The following BEND2 variants were observed in gnomAD, a reference collection of about 807,000 sequenced individuals.
BEND2 encodes BEN domain containing 2, also known as BEN domain-containing protein 2.
In BEND2, 19 loss-of-function variants were observed where a neutral mutation model predicts 43.8. The ratio of observed to expected loss-of-function variants is 0.43; its 90% confidence interval spans 0.30 to 0.64. The LOEUF (loss-of-function observed/expected upper bound fraction) is 0.64, where lower values mean the gene tolerates loss of function less well. Among genes scored for constraint, BEND2 ranks in the 30% least tolerant of loss-of-function variants. The probability of loss-of-function intolerance (pLI) is 0.11; values close to 1 mark genes in which losing one functional copy is unlikely to be tolerated. For synonymous variants in BEND2, 226 were observed against 210.1 expected (o/e 1.08, Z -0.66); for missense variants, 544 against 574.0 (o/e 0.95, Z 0.53).
intron 9 of BEND2, among the ~76,000 whole-genome samples, chrX:18,179,059 T>C (rs185619422): frequency 3.6e-4 from 40 of 111,445 alleles, no homozygotes; most frequent in East Asian, 2.5e-3. Flanking sequence ...TACAGTCAAC[T>C]GCCATAAATG....
At chrX:18,218,716 G>A (rs777720401) in intron 1 of BEND2, among the ~76,000 whole-genome samples, 6 of 111,475 alleles carry the variant, frequency 5.4e-5, no homozygotes, top group African/African-American at 1.3e-4. Context: ...AGAAATCAGC[G>A]GGGCGAGGTG....
chrX:18,183,183 TC>T (rs928463377), intron 8 of BEND2, among the ~76,000 whole-genome samples: 36 of 110,527 alleles, frequency 3.3e-4, no homozygotes, highest in Admixed American at 5.8e-4. Context: ...ACATTTTTTT[TC>T]AAATGCCTAT....
intron 2 of BEND2, among the ~76,000 whole-genome samples, chrX:18,216,182 C>T (rs1219269303): frequency 9.0e-6 from 1 of 111,298 alleles, no homozygotes; most frequent in Non-Finnish European, 1.9e-5. Flanking sequence ...GGACTCTTGA[C>T]TCAAGCTGTT....
chrX:18,205,203 C>T (rs184936754), intron 4 of BEND2, among the ~76,000 whole-genome samples: 13 of 110,936 alleles, frequency 1.2e-4, no homozygotes, highest in Admixed American at 9.7e-4. Context: ...ATTCATTCAA[C>T]TAAACCTTTA....
intron 13 of BEND2, among the ~76,000 whole-genome samples, chrX:18,167,762 G>A (rs184384641): frequency 2.7e-5 from 3 of 111,002 alleles, no homozygotes; most frequent in East Asian, 2.9e-4. Flanking sequence ...ACAGGGTTTC[G>A]CCATGTTGCC....
At chrX:18,175,313 AG>A (rs979208941) in intron 11 of BEND2, among the ~76,000 whole-genome samples, 1 of 111,532 alleles carries the variant, frequency 9.0e-6, no homozygotes, top group African/African-American at 3.3e-5. Context: ...CCAGAAGAAA[AG>A]GGGGTTGGTG....
chrX:18,174,881 G>A (rs560789546), intron 11 of BEND2, among the ~76,000 whole-genome samples: 8 of 110,876 alleles, frequency 7.2e-5, no homozygotes, highest in South Asian at 3.8e-4. Context: ...GGGTTGGGGA[G>A]GGTCTTGCTA....
chrX:18,177,510 A>G, intron 10 of BEND2, 59 bp downstream of exon 10: 1 of 1,087,096 alleles, frequency 9.2e-7, no homozygotes, highest in Non-Finnish European at 1.3e-6. Context: ...AATAACATTC[A>G]TTATATGACC....
chrX:18,199,730 T>G, intron 6 of BEND2, among the ~76,000 whole-genome samples: 1 of 111,050 alleles, frequency 9.0e-6, no homozygotes, highest in East Asian at 2.8e-4. Context: ...CCAGCAAAAC[T>G]ATGTTCCTTG....
Position 18,212,579 on chromosome X carries a change from A to T in BEND2, c.478T>A (p.Phe160Ile), listed in dbSNP as rs779784627. The change falls in exon 4 of 14, where the codon TTC (phenylalanine) becomes ATC (isoleucine). Residue 160 changes from phenylalanine to isoleucine, a missense_variant. By Grantham distance (21) the Phe-to-Ile change is conservative (BLOSUM62 0). Transcript: ENST00000380033. ...ATAATATCTACCTCTGGAGTATAGA[A>T]TCTTCCTCTTTTTGGAAAATCCACT... ...EEVDFPKRGR[F>I]YTPEVQSSIS... is the part of the protein sequence containing the mutation. 2.5e-6 allele frequency: 3 copies of T among 1,182,460 alleles called. No individual in the cohort carries two copies. The highest frequency in any genetic ancestry group is 3.4e-6 in the Non-Finnish European group (3 of 870,286).
intron 8 of BEND2, among the ~76,000 whole-genome samples, chrX:18,189,699 T>A (rs948324435): frequency 1.8e-5 from 2 of 111,695 alleles, no homozygotes; most frequent in Non-Finnish European, 3.8e-5. Flanking sequence ...AATAGATATT[T>A]CAAAGAGGAT....
At chrX:18,203,063 GA>G (rs1431766004) in intron 5 of BEND2, among the ~76,000 whole-genome samples, 2 of 111,387 alleles carry the variant, frequency 1.8e-5, no homozygotes, top group Admixed American at 9.6e-5. Flanking sequence ...TAACAATATT[GA>G]AGTGACAAAA....
Position 18,180,578 on chromosome X carries a change from G to A in BEND2, c.1361C>T (p.Ser454Leu). 1.7e-6 allele frequency: 2 copies of A among 1,210,223 alleles called. No homozygotes were observed. The highest frequency in any genetic ancestry group is 2.2e-6 in the Non-Finnish European group (2 of 894,313). ...TENSVNTMNR[S>L]TLLDSDSGQD... ...GCCACTGTCACTGTCCAATAAAGTTGAGCGATTCATTGTGTTGACGCTGTT... is the reference window on the plus strand; with the variant it reads ...GCCACTGTCACTGTCCAATAAAGTTAAGCGATTCATTGTGTTGACGCTGTT... The change falls in exon 9 of 14, where the codon TCA (serine) becomes TTA (leucine). Residue 454 changes from serine to leucine, a missense_variant. Transcript: ENST00000380033.
intron 9 of BEND2, among the ~76,000 whole-genome samples, chrX:18,179,473 A>G (rs1317419032): frequency 9.0e-6 from 1 of 110,663 alleles, no homozygotes; most frequent in Non-Finnish European, 1.9e-5. Context: ...CGAGACCACA[A>G]TTCTTGAAAT....
At chrX:18,185,150 A>ACATGCCTCAAAGCATG (rs1194236114) in intron 8 of BEND2, among the ~76,000 whole-genome samples, 4 of 110,233 alleles carry the variant, frequency 3.6e-5, no homozygotes, top group Non-Finnish European at 7.5e-5. Flanking sequence ...TGTCTACAAG[A>ACATGCCTCAAAGCATG]TCTAGAAAAC....
chrX:18,185,575 T>TAAC (rs1306293676), intron 8 of BEND2, among the ~76,000 whole-genome samples: 1 of 88,506 alleles, frequency 1.1e-5, no homozygotes, highest in African/African-American at 4.0e-5. Flanking sequence ...ATAATAATAA[T>TAAC]AACAGACAAC....
chrX:18,212,424 G>A (rs188542940), intron 4 of BEND2, 141 bp downstream of exon 4: 20 of 440,932 alleles, frequency 4.5e-5, no homozygotes, highest in Admixed American at 1.6e-4. Flanking sequence ...TTCATGGGGT[G>A]TAAGTATACA....
At chrX:18,192,279 T>C (rs971251665) in intron 7 of BEND2, among the ~76,000 whole-genome samples, 3 of 111,911 alleles carry the variant, frequency 2.7e-5, no homozygotes, top group Non-Finnish European at 5.6e-5. Flanking sequence ...GGCAAAAGTA[T>C]CCTTCAAATA....
At chrX:18,212,474 G>A in intron 4 of BEND2, 91 bp downstream of exon 4, 1 of 626,718 alleles carries the variant, frequency 1.6e-6, no homozygotes, top group Non-Finnish European at 2.5e-6. Context: ...TTTACTGCAT[G>A]AAATTCAACT....
Sources: allele counts gnomAD v4.1 joint callset (sites outside exome capture counted in the v4.1 genomes callset), GRCh38; gene constraint gnomAD v4.1.1; transcripts MANE v1.5; gene names NCBI Gene and HGNC (gene_info 2026-07-23, HGNC 2026-07-21).